The following RANBP3L variants were observed in gnomAD, a reference collection of about 807,000 sequenced individuals.
RANBP3L encodes RAN binding protein 3 like.
A neutral mutation model predicts 67.2 loss-of-function variants in RANBP3L; 56 were observed. The observed-to-expected ratio is 0.83, with a 90% CI of 0.67 to 1.04. RANBP3L has a LOEUF of 1.04. Ranked by LOEUF, RANBP3L falls within the 50% of genes least tolerant of loss-of-function variation. The probability of loss-of-function intolerance (pLI) is 0.00; values close to 1 mark genes in which losing one functional copy is unlikely to be tolerated. For synonymous variants in RANBP3L, 164 were observed against 181.4 expected (o/e 0.90, Z 0.77); for missense variants, 496 against 535.5 (o/e 0.93, Z 0.73).
intron 1 of RANBP3L, among the ~76,000 whole-genome samples, chr5:36,283,422 T>C (rs377615307): frequency 6.7e-5 from 10 of 149,568 alleles, no homozygotes; most frequent in African/African-American, 2.4e-4. Context: ...AACACCAAAA[T>C]TTTAATCCAT....
At chr5:36,284,998 A>G (rs1751225253) in intron 1 of RANBP3L, among the ~76,000 whole-genome samples, 1 of 152,208 alleles carries the variant, frequency 6.6e-6, no homozygotes, top group South Asian at 2.1e-4. Flanking sequence ...GGCAGTGAGC[A>G]TGAGTGAAAG....
intron 1 of RANBP3L, among the ~76,000 whole-genome samples, chr5:36,282,921 T>A (rs1484879659): frequency 6.6e-6 from 1 of 152,202 alleles, no homozygotes; most frequent in Non-Finnish European, 1.5e-5. Flanking sequence ...TATATATTAT[T>A]GCACCATATC....
At chr5:36,292,832 C>T (rs928999714) in intron 1 of RANBP3L, among the ~76,000 whole-genome samples, 18 of 152,284 alleles carry the variant, frequency 1.2e-4, no homozygotes, top group African/African-American at 3.9e-4. Flanking sequence ...AGTCAGGTAG[C>T]GTGATGCCTG....
At chr5:36,261,099 G>A (rs1392550559) in intron 7 of RANBP3L, among the ~76,000 whole-genome samples, 1 of 152,112 alleles carries the variant, frequency 6.6e-6, no homozygotes, top group Non-Finnish European at 1.5e-5. Context: ...ACTGCCTCAT[G>A]CCCATCACTG....
Position 36,257,599 on chromosome 5 carries a change from T to G in RANBP3L, c.670-43A>C, listed in dbSNP as rs564212414. ...TGCATTATTTTATTTAATAAAAGTTTTAATTTTATCCCTACTATGTTTGCA... is the reference window on the plus strand; with the variant it reads ...TGCATTATTTTATTTAATAAAAGTTGTAATTTTATCCCTACTATGTTTGCA... On this transcript the variant is annotated intron_variant, in intron 8 of 13. Coordinates refer to ENST00000296604, the MANE Select transcript of RANBP3L (RefSeq NM_145000.5). 15 of 899,612 alleles carry G rather than the reference T, an allele frequency of 1.7e-5. No homozygotes were observed. The South Asian group carries it at 2.4e-4, about 14-fold the overall frequency. 55.7% of individuals were successfully genotyped at this position (899,612 alleles called of 1,614,324 possible).
At chr5:36,252,907 A>G (rs1447480437) in intron 12 of RANBP3L, among the ~76,000 whole-genome samples, 1 of 151,968 alleles carries the variant, frequency 6.6e-6, no homozygotes, top group African/African-American at 2.4e-5. Flanking sequence ...TTTTTTCCAT[A>G]TTACTACATG....
intron 1 of RANBP3L, among the ~76,000 whole-genome samples, chr5:36,294,380 G>GT (rs1219580359): frequency 5.9e-5 from 9 of 151,818 alleles, no homozygotes; most frequent in African/African-American, 4.8e-5. Flanking sequence ...TTTTTGAAGG[G>GT]TTTTTTGTGT....
At chr5:36,251,607 C>G (rs1401234511) in intron 12 of RANBP3L, 108 bp from the exon 13 acceptor site, 2 of 858,708 alleles carry the variant, frequency 2.3e-6, no homozygotes, top group Non-Finnish European at 3.5e-6. Flanking sequence ...TGGCATAAAT[C>G]TACAGTGTAC....
intron 1 of RANBP3L, among the ~76,000 whole-genome samples, chr5:36,287,201 A>G (rs531213028): frequency 5.1e-4 from 78 of 152,210 alleles, no homozygotes; most frequent in Non-Finnish European, 1.0e-3. Flanking sequence ...TTGATCTGAC[A>G]GGAGGCGGAG....
At chr5:36,251,169 C>T (rs1457115478) in intron 13 of RANBP3L, 144 bp downstream of exon 13, 3 of 600,820 alleles carry the variant, frequency 5.0e-6, no homozygotes, top group South Asian at 3.1e-5. Flanking sequence ...AAACCCACTC[C>T]TCAGATCCAA....
intron 7 of RANBP3L, among the ~76,000 whole-genome samples, chr5:36,261,132 G>T (rs1357353754): frequency 6.6e-6 from 1 of 152,134 alleles, no homozygotes; most frequent in African/African-American, 2.4e-5. Context: ...GGTCAGCCAG[G>T]AGGGCTTCCC....
At chr5:36,294,355 C>T (rs1291128392) in intron 1 of RANBP3L, among the ~76,000 whole-genome samples, 5 of 150,684 alleles carry the variant, frequency 3.3e-5, no homozygotes, top group Admixed American at 6.6e-5. Flanking sequence ...AAAACCAGCT[C>T]CTGGATTCAT....
At position 36,251,462 on chromosome 5, in the gene RANBP3L, A is replaced by G; in HGVS notation, c.1205T>C (p.Ile402Thr). ...AQDTAYLYAA[I>T]HHRLVALQSF... ...TTGAAGTGCAACAAGACGATGATGT[A>G]TTGCTGCATACAAATATGCTGTATC... The change falls in exon 13 of 14, where the codon ATA becomes ACA. Residue 402 changes from isoleucine (I) to threonine (T), a missense_variant. Physicochemically the swap from Ile to Thr is moderately conservative, Grantham distance 89 (BLOSUM62 -1). Coordinates refer to ENST00000296604, the MANE Select transcript of RANBP3L (RefSeq NM_145000.5). The G allele has an allele frequency of 1.9e-6, 3 of 1,612,490 alleles. No homozygotes were observed. Among genetic ancestry groups the G allele is most frequent in the Non-Finnish European group, 2.5e-6 (3 of 1,179,042 alleles).
intron 1 of RANBP3L, among the ~76,000 whole-genome samples, chr5:36,296,594 G>C (rs1337416133): frequency 1.3e-5 from 2 of 152,126 alleles, no homozygotes; most frequent in South Asian, 4.1e-4. Flanking sequence ...TGTAACCTTG[G>C]AAGAGTCATC....
chr5:36,265,993 A>AAG (rs1289669015), intron 4 of RANBP3L, among the ~76,000 whole-genome samples: 10,517 of 149,250 alleles, frequency 0.07, 1,430 homozygotes, highest in African/African-American at 0.26. Flanking sequence ...AAAAAAAAAA[A>AAG]AAAAAAAGAT....
intron 1 of RANBP3L, among the ~76,000 whole-genome samples, chr5:36,283,214 T>A (rs1751092152): frequency 6.6e-6 from 1 of 151,788 alleles, no homozygotes; most frequent in South Asian, 2.1e-4. Context: ...TGTGCCACCA[T>A]GCCCAGCTAA....
At chr5:36,285,542 G>A (rs1032891660) in intron 1 of RANBP3L, among the ~76,000 whole-genome samples, 1 of 152,158 alleles carries the variant, frequency 6.6e-6, no homozygotes, top group Non-Finnish European at 1.5e-5. Context: ...TCTAACATAT[G>A]CCTTATTGTT....
intron 13 of RANBP3L, among the ~76,000 whole-genome samples, 200 bp from the exon 14 acceptor site, chr5:36,249,897 C>G (rs962090445): frequency 6.6e-6 from 1 of 151,794 alleles, no homozygotes; most frequent in Non-Finnish European, 1.5e-5. Context: ...AATTTATAAG[C>G]AACAAAGTGC....
Position 36,247,933 on chromosome 5 carries a change from A to G in RANBP3L, c.*1721T>C, listed in dbSNP as rs183336130. 6.6e-6 allele frequency among the ~76,000 whole-genome samples: 1 copy of G among 152,264 alleles called. No homozygotes were observed. Among genetic ancestry groups the G allele is most frequent in the East Asian group, 1.9e-4 (1 of 5,176 alleles). ...AATGAAGTTATTTGTTCTCTTCTTC[A>G]CTTTAGCAATTTATAGTGCAATCAC... is the stretch of plus-strand genomic sequence containing the variant. On this transcript the variant is annotated 3_prime_UTR_variant, in exon 14 of 14. Transcript: ENST00000296604.
Sources: allele counts gnomAD v4.1 joint callset (sites outside exome capture counted in the v4.1 genomes callset), GRCh38; gene constraint gnomAD v4.1.1; transcripts MANE v1.5; gene names NCBI Gene and HGNC (gene_info 2026-07-23, HGNC 2026-07-21).